ZMIZ1: variants seen among roughly 807,000 people sequenced by gnomAD.
The protein encoded by ZMIZ1 is zinc finger MIZ-type containing 1, also known as zinc finger MIZ domain-containing protein 1.
In ZMIZ1, 17 loss-of-function variants were observed where a neutral mutation model predicts 113.9. That is an observed-to-expected ratio of 0.15 (90% CI 0.10 to 0.22). ZMIZ1 has a LOEUF of 0.22. Ranked by LOEUF, ZMIZ1 falls within the 10% of genes least tolerant of loss-of-function variation. The pLI is 1.00. For synonymous variants in ZMIZ1, 607 were observed against 603.1 expected (o/e 1.01, Z -0.09); for missense variants, 1,059 against 1,477.8 (o/e 0.72, Z 4.65).
intron 7 of ZMIZ1, among the ~76,000 whole-genome samples, chr10:79,233,984 C>T (rs933926537): frequency 1.3e-5 from 2 of 151,980 alleles, no homozygotes; most frequent in African/African-American, 4.8e-5. Flanking sequence ...GCGAGAGCAA[C>T]CCAGGCTGAG....
chr10:79,257,270 CCT>C (rs1454364125), intron 7 of ZMIZ1, among the ~76,000 whole-genome samples: 1 of 152,216 alleles, frequency 6.6e-6, no homozygotes, highest in Non-Finnish European at 1.5e-5. Flanking sequence ...TGGTCTGCCC[CCT>C]GTCTGCCAGC....
chr10:79,155,110 G>A lies in ZMIZ1; in HGVS notation c.-130-6943G>A, dbSNP rs1845857885. ...GTGTCAGAGCTGAGGCCTCTCTGAT[G>A]CATCGGAACCTAGATGCATTGGAAC... On this transcript the variant is annotated intron_variant, in intron 3 of 24. Transcript: ENST00000334512. 2.6e-5 allele frequency among the ~76,000 whole-genome samples: 4 copies of A among 152,188 alleles called. No homozygotes were observed. The South Asian group carries it at 8.3e-4, about 31-fold the overall frequency.
At chr10:79,213,398 C>T (rs937070512) in intron 6 of ZMIZ1, among the ~76,000 whole-genome samples, 6 of 152,154 alleles carry the variant, frequency 3.9e-5, no homozygotes, top group Non-Finnish European at 7.3e-5. Flanking sequence ...GCCTTGAGCA[C>T]GGTCCTGCCC....
At chr10:79,179,458 A>AC (rs911686478) in intron 4 of ZMIZ1, among the ~76,000 whole-genome samples, 73 of 152,312 alleles carry the variant, frequency 4.8e-4, no homozygotes, top group Admixed American at 1.4e-3. Flanking sequence ...CTGGCTCTGC[A>AC]CCCGCACTCA....
intron 3 of ZMIZ1, among the ~76,000 whole-genome samples, chr10:79,150,754 C>G (rs1263847076): frequency 6.6e-6 from 1 of 152,206 alleles, no homozygotes; most frequent in African/African-American, 2.4e-5. Flanking sequence ...CCATCCACCC[C>G]TGTCTGCCTG....
At chr10:79,177,458 C>T (rs1383346436) in intron 4 of ZMIZ1, among the ~76,000 whole-genome samples, 1 of 152,220 alleles carries the variant, frequency 6.6e-6, no homozygotes. Context: ...TTAGTTCAAG[C>T]ACACCCAGAC....
At chr10:79,092,056 T>A (rs1842998640) in intron 1 of ZMIZ1, among the ~76,000 whole-genome samples, 1 of 152,070 alleles carries the variant, frequency 6.6e-6, no homozygotes, top group Non-Finnish European at 1.5e-5. Context: ...CCAGCCCCGC[T>A]CCATGCTGAG....
intron 7 of ZMIZ1, among the ~76,000 whole-genome samples, chr10:79,274,481 G>A (rs1022803028): frequency 4.6e-5 from 7 of 152,182 alleles, no homozygotes; most frequent in African/African-American, 1.7e-4. Flanking sequence ...AGCCCTCCTG[G>A]TTCTCTCGAC....
chr10:79,279,668 G>A (rs972607873), intron 8 of ZMIZ1, among the ~76,000 whole-genome samples: 3 of 152,228 alleles, frequency 2.0e-5, no homozygotes, highest in African/African-American at 7.2e-5. Flanking sequence ...CTCCAGCCTG[G>A]GCAACATTGA....
In ZMIZ1 at chr10:79,311,098, A is replaced by G. The variant is rs771641816; in HGVS notation, c.3010A>G (p.Ser1004Gly). ...GGCCGCTCCCAGCAGCCATCCACAC[A>G]GCGACCTGACCTTTAACCCCTCCTC... ...PQAAPSSHPH[S>G]DLTFNPSSAL... is the part of the protein sequence containing the mutation. The change falls in exon 24 of 25, where the codon AGC (serine) becomes GGC (glycine). Residue 1004 changes from serine to glycine, a missense_variant. Coordinates refer to ENST00000334512, the MANE Select transcript of ZMIZ1 (RefSeq NM_020338.4). 2 of 1,613,550 alleles carry G rather than the reference A, an allele frequency of 1.2e-6. No homozygotes were observed. The highest frequency in any genetic ancestry group is 2.7e-5 in the African/African-American group (2 of 74,896).
At chr10:79,083,716 A>G in intron 1 of ZMIZ1, among the ~76,000 whole-genome samples, 1 of 152,168 alleles carries the variant, frequency 6.6e-6, no homozygotes, top group East Asian at 1.9e-4. Context: ...GGAGGTAGTG[A>G]AACAAGGTCG....
rs1851662564 is a variant in ZMIZ1, at chr10:79,267,258, AC to A, written c.281-9920del. On this transcript the variant is annotated intron_variant, in intron 7 of 24. Transcript: ENST00000334512. ...GGGGGCACTGTCTGCCCCAGGGAGC[AC>A]CCAGTGTGAAGGGGTGGTGTGAGGC... 5.9e-5 allele frequency among the ~76,000 whole-genome samples: 9 copies of A among 152,300 alleles called. No homozygotes were observed. The South Asian group carries it at 1.9e-3, about 32-fold the overall frequency.
chr10:79,133,639 T>TCCCC (rs1844867699), intron 2 of ZMIZ1, among the ~76,000 whole-genome samples: 1 of 152,128 alleles, frequency 6.6e-6, no homozygotes, highest in Non-Finnish European at 1.5e-5. Context: ...GGGACCTTGG[T>TCCCC]AGTGCATTTT....
chr10:79,215,441 A>G (rs1023625385), intron 6 of ZMIZ1, among the ~76,000 whole-genome samples: 1 of 151,972 alleles, frequency 6.6e-6, no homozygotes, highest in Non-Finnish European at 1.5e-5. Flanking sequence ...CTGGGATTAC[A>G]GGCGCCTGCC....
Position 79,311,161 on chromosome 10 carries a change from G to A in ZMIZ1, c.3073G>A (p.Asp1025Asn), listed in dbSNP as rs749724671. The A allele has an allele frequency of 2.9e-5, 47 of 1,612,812 alleles. No homozygotes were observed. The South Asian group carries it at 3.5e-4, about 12-fold the overall frequency. The change falls in exon 24 of 25, where the codon GAC becomes AAC. Residue 1025 changes from aspartate to asparagine, a missense_variant. Physicochemically the swap from Asp to Asn is conservative, Grantham distance 23. Transcript: ENST00000334512. The part of the protein sequence containing the change: ...EGQAGAQGAS[D>N]MPEPSLDLLP... ...TCAGGCCGGAGCGCAGGGAGCGTCC[G>A]ACATGCCGGAGCCTTCGCTGGATGT...
rs1406104030 is a variant in ZMIZ1 at position 79,298,810 on chromosome 10, A to G, written c.1666+230A>G. ...CTGGGAGGAAAATCTATACGCAGCC[A>G]TGGAAGGATGCAAGGAGGCGGGTGG... On this transcript the variant is annotated intron_variant, in intron 15 of 24. Transcript: ENST00000334512. Among the ~76,000 whole-genome samples the G allele has an allele frequency of 3.9e-5, 6 of 152,310 alleles. No homozygotes were observed. The East Asian group carries it at 9.6e-4, about 24-fold the overall frequency.
chr10:79,137,456 G>A (rs1191343307), intron 2 of ZMIZ1, among the ~76,000 whole-genome samples: 2 of 152,232 alleles, frequency 1.3e-5, no homozygotes, highest in African/African-American at 4.8e-5. Context: ...CTACTCACCC[G>A]GACTAGGTGT....
At position 79,296,388 on chromosome 10, in the gene ZMIZ1, C is replaced by T; in HGVS notation, c.1231-83C>T. On this transcript the variant is annotated intron_variant, in intron 12 of 24. Transcript: ENST00000334512. The surrounding 1 kb of genome is among the most constrained non-coding windows in gnomAD (Gnocchi z 4.1). ...CAGGAGCAAATGAGGAGAGGCGGGC[C>T]CCATCCCGTTGTTCAGGTGACCTGG... 4 of 1,466,156 alleles carry T rather than the reference C, an allele frequency of 2.7e-6. No homozygotes were observed. Among genetic ancestry groups the T allele is most frequent in the Non-Finnish European group, 3.8e-6 (4 of 1,055,834 alleles). The allele number at this position is 1,466,156 out of a possible 1,614,324, so 90.8% of individuals were successfully genotyped here.
chr10:79,123,286 G>A (rs1429154003), intron 2 of ZMIZ1, among the ~76,000 whole-genome samples: 1 of 152,212 alleles, frequency 6.6e-6, no homozygotes, highest in Non-Finnish European at 1.5e-5. Flanking sequence ...AGGCATGGAG[G>A]TTTTCCAGCT....
Sources: gnomAD v4.1 joint callset for allele counts (sites outside exome capture counted in the v4.1 genomes callset) on GRCh38, gnomAD v4.1.1 for gene constraint, Gnocchi (gnomAD v3.1) non-coding constraint, MANE v1.5 for transcripts, NCBI Gene and HGNC (gene_info 2026-07-23, HGNC 2026-07-21) for gene names.